The following FMN1 variants were observed in gnomAD, a reference collection of about 807,000 sequenced individuals.
The protein encoded by FMN1 is formin-1.
Under a neutral mutation model 132.4 loss-of-function variants are expected in FMN1, and 110 were observed. The observed-to-expected ratio is 0.83, with a 90% CI of 0.71 to 0.97. The LOEUF (loss-of-function observed/expected upper bound fraction) is 0.97. Among genes scored for constraint, FMN1 ranks in the 50% least tolerant of loss-of-function variants. FMN1 has a pLI of 0.00. For synonymous variants in FMN1, 722 were observed against 651.7 expected (o/e 1.11, Z -1.64); for missense variants, 1,792 against 1,705.3 (o/e 1.05, Z -0.90).
chr15:33,013,564 C>A (rs577155591), intron 6 of FMN1, among the ~76,000 whole-genome samples: 7 of 152,104 alleles, frequency 4.6e-5, no homozygotes, highest in African/African-American at 1.7e-4. Flanking sequence ...ATATTTTTTA[C>A]GAAATTATCT....
At chr15:32,856,136 T>C (rs190506530) in intron 17 of FMN1, among the ~76,000 whole-genome samples, 168 of 152,304 alleles carry the variant, frequency 1.1e-3, no homozygotes, top group Non-Finnish European at 1.2e-3. Flanking sequence ...GGCCACACTT[T>C]ATGCATTCAC....
chr15:33,169,740 C>CTTTTTTT (rs57083437), intron 3 of FMN1, among the ~76,000 whole-genome samples: 1 of 117,906 alleles, frequency 8.5e-6, no homozygotes, highest in Non-Finnish European at 1.8e-5. Context: ...TTTTCTTTTC[C>CTTTTTTT]TTTTTTTTTT....
In FMN1 at chr15:32,969,316, G is replaced by A. The variant is rs767411105; in HGVS notation, c.2385C>T (p.Cys795=). 1.2e-6 allele frequency: 2 copies of A among 1,613,896 alleles called. No homozygotes were observed. The highest frequency in any genetic ancestry group is 1.7e-6 in the Non-Finnish European group (2 of 1,179,854). The change falls in exon 8 of 21, where the codon TGC becomes TGT. Residue 795 remains cysteine, a synonymous_variant. Transcript: ENST00000616417. ...KDVCISTDDD[C]PPKTFRNVCV... ...ACACATTTCTGAAGGTCTTTGGAGG[G>A]CAGTCATCATCGGTGGAAATGCACA...
rs182821600 is a variant in FMN1 at position 32,795,980 on chromosome 15, C to T, written c.4130+2824G>A. ...CTTCTGCCGAACCACAGAGTTGTGCCCTGACACCAGTTTAATAAGATTATT... is the reference window on the plus strand; with the variant it reads ...CTTCTGCCGAACCACAGAGTTGTGCTCTGACACCAGTTTAATAAGATTATT... On this transcript the variant is annotated intron_variant, in intron 19 of 20. Transcript: ENST00000616417. Among the ~76,000 whole-genome samples, 13 of 152,286 alleles carry T rather than the reference C, an allele frequency of 8.5e-5. No homozygotes were observed. In the East Asian group the frequency reaches 2.1e-3, roughly 25 times the overall value.
At chr15:33,085,120 T>G (rs2038637429) in intron 5 of FMN1, among the ~76,000 whole-genome samples, 1 of 152,176 alleles carries the variant, frequency 6.6e-6, no homozygotes, top group African/African-American at 2.4e-5. Flanking sequence ...TACTTTTTGA[T>G]TTCTGTAAGC....
At chr15:32,983,046 C>T (rs780976318) in intron 7 of FMN1, among the ~76,000 whole-genome samples, 5 of 152,248 alleles carry the variant, frequency 3.3e-5, no homozygotes, top group Admixed American at 6.5e-5. Flanking sequence ...TAGACGCACA[C>T]ATCCTATTAC....
chr15:32,848,135 G>A (rs75351994), intron 17 of FMN1, among the ~76,000 whole-genome samples: 1 of 151,922 alleles, frequency 6.6e-6, no homozygotes, highest in Non-Finnish European at 1.5e-5. Flanking sequence ...AAAATATGAG[G>A]AACAGGTAAA....
intron 6 of FMN1, among the ~76,000 whole-genome samples, chr15:33,052,309 G>A (rs535634475): frequency 1.3e-5 from 2 of 152,160 alleles, no homozygotes; most frequent in African/African-American, 4.8e-5. Context: ...CACTAAAAAT[G>A]GTTACTAGGA....
chr15:32,893,212 T>G (rs771292489), intron 15 of FMN1, among the ~76,000 whole-genome samples: 7 of 152,214 alleles, frequency 4.6e-5, no homozygotes, highest in African/African-American at 1.7e-4. Context: ...TTTTACTACT[T>G]TAAAATGGAA....
intron 19 of FMN1, among the ~76,000 whole-genome samples, chr15:32,798,167 C>CT (rs1444918784): frequency 7.2e-6 from 1 of 139,584 alleles, no homozygotes; most frequent in African/African-American, 2.8e-5. Context: ...TTCAATCTCT[C>CT]TAAGGAAAAC....
At chr15:33,032,947 G>C (rs1235091721) in intron 6 of FMN1, among the ~76,000 whole-genome samples, 1 of 152,140 alleles carries the variant, frequency 6.6e-6, no homozygotes. Context: ...TTAAGTATTT[G>C]TTCAACGCTT....
chr15:33,067,127 A>G (rs986694934), intron 5 of FMN1: 9 of 1,613,796 alleles, frequency 5.6e-6, no homozygotes, highest in Admixed American at 1.7e-5. Context: ...AGTGATACCA[A>G]CACTCGAATT....
intron 17 of FMN1, among the ~76,000 whole-genome samples, chr15:32,815,127 A>G (rs1237501756): frequency 2.0e-5 from 3 of 152,008 alleles, no homozygotes; most frequent in Non-Finnish European, 4.4e-5. Flanking sequence ...TATTTTTAGT[A>G]GAGATGGGGT....
At chr15:32,813,083 T>A (rs1405674631) in intron 17 of FMN1, among the ~76,000 whole-genome samples, 2 of 152,230 alleles carry the variant, frequency 1.3e-5, no homozygotes, top group Non-Finnish European at 2.9e-5. Context: ...CAACTAGTTA[T>A]ATAGCATTTA....
chr15:32,993,608 C>T (rs1484294983), intron 7 of FMN1, among the ~76,000 whole-genome samples: 1 of 152,162 alleles, frequency 6.6e-6, no homozygotes, highest in African/African-American at 2.4e-5. Flanking sequence ...CACCTTCTTC[C>T]TCCCTATTAA....
At chr15:33,068,858 G>T (rs2037871613) in intron 5 of FMN1, among the ~76,000 whole-genome samples, 4 of 152,152 alleles carry the variant, frequency 2.6e-5, no homozygotes, top group Admixed American at 2.6e-4. Context: ...GGCTCCGCAG[G>T]AATGATTACC....
At chr15:33,146,487 G>A (rs1365829432) in intron 4 of FMN1, among the ~76,000 whole-genome samples, 1 of 151,292 alleles carries the variant, frequency 6.6e-6, no homozygotes, top group East Asian at 2.0e-4. Flanking sequence ...ATTCTGACCT[G>A]ATTTCAAGTT....
At chr15:33,091,916 A>G (rs1200812767) in intron 4 of FMN1, among the ~76,000 whole-genome samples, 2 of 152,148 alleles carry the variant, frequency 1.3e-5, no homozygotes, top group African/African-American at 2.4e-5. Context: ...TTTAGAGAAT[A>G]TTTTGTGAAA....
chr15:33,149,121 C>T (rs1460052633), intron 4 of FMN1, among the ~76,000 whole-genome samples: 2 of 152,016 alleles, frequency 1.3e-5, no homozygotes, highest in African/African-American at 2.4e-5. Context: ...AAAATTAATG[C>T]CTTTCTCCAA....
Sources: allele counts gnomAD v4.1 joint callset (sites outside exome capture counted in the v4.1 genomes callset), GRCh38; gene constraint gnomAD v4.1.1; transcripts MANE v1.5; gene names NCBI Gene and HGNC (gene_info 2026-07-23, HGNC 2026-07-21).